SIRT5: variants seen among roughly 807,000 people sequenced by gnomAD.
The protein encoded by SIRT5 is sirtuin 5.
Under a neutral mutation model 40.0 loss-of-function variants are expected in SIRT5, and 26 were observed. The observed-to-expected ratio is 0.65, with a 90% confidence interval of 0.48 to 0.90. SIRT5 has a LOEUF of 0.90. SIRT5 is among the 40% of genes least tolerant of loss of function. The probability of loss-of-function intolerance (pLI) is 0.00; values close to 1 mark genes in which losing one functional copy is unlikely to be tolerated. For synonymous variants in SIRT5, 146 were observed against 149.1 expected (o/e 0.98, Z 0.15); for missense variants, 401 against 402.4 (o/e 1.00, Z 0.03).
intron 9 of SIRT5, among the ~76,000 whole-genome samples, chr6:13,602,487 T>A (rs980463643): frequency 5.8e-5 from 8 of 136,928 alleles, no homozygotes; most frequent in Non-Finnish European, 1.6e-5. Context: ...GCAACAAGAG[T>A]AAAACTCCGT....
At chr6:13,605,633 A>G (rs1186189341) in intron 9 of SIRT5, 2 of 985,364 alleles carry the variant, frequency 2.0e-6, no homozygotes, top group Middle Eastern at 5.2e-4. Context: ...GGTGTTAATT[A>G]GTTCCAGTTT....
At chr6:13,591,267 A>G (rs139108798) in intron 4 of SIRT5, among the ~76,000 whole-genome samples, 2 of 152,304 alleles carry the variant, frequency 1.3e-5, no homozygotes, top group East Asian at 3.9e-4. Context: ...TTTGCATTTC[A>G]TGCTTTCCCT....
chr6:13,608,959 T>C (rs1763481925), intron 9 of SIRT5, among the ~76,000 whole-genome samples: 1 of 152,090 alleles, frequency 6.6e-6, no homozygotes, highest in Non-Finnish European at 1.5e-5. Flanking sequence ...GTAGTTGGGA[T>C]CACAGGTGCC....
chr6:13,588,511 A>G (rs767887296), intron 4 of SIRT5, 47 bp downstream of exon 4: 10 of 1,588,174 alleles, frequency 6.3e-6, no homozygotes, highest in South Asian at 2.3e-5. Context: ...GAATGAAACC[A>G]TAACAGAGTT....
Position 13,591,769 on chromosome 6 carries a change from G to T in SIRT5, c.350G>T (p.Gly117Val). 2 of 1,613,854 alleles carry T rather than the reference G, an allele frequency of 1.2e-6. No individual in the cohort carries two copies. Among genetic ancestry groups the T allele is most frequent in the Non-Finnish European group, 1.7e-6 (2 of 1,179,846 alleles). The change falls in exon 5 of 10, where the codon GGG becomes GTG. Residue 117 changes from glycine to valine, a missense_variant. Physicochemically the swap from Gly to Val is moderately radical, Grantham distance 109. Transcript: ENST00000606117. ...EVMGSKEPNAGHRAIAECETR... is the reference protein window; with the variant it reads ...EVMGSKEPNAVHRAIAECETR... ...ATGGGGAGCAAGGAGCCCAACGCCG[G>T]GCACCGCGCCATAGCCGAGTGTGAG...
In SIRT5 at chr6:13,584,148, C is replaced by T; in HGVS notation, c.38C>T (p.Ser13Phe). 6.2e-7 allele frequency: 1 copy of T among 1,614,116 alleles called. No individual in the cohort carries two copies. The highest frequency in any genetic ancestry group is 8.5e-7 in the Non-Finnish European group (1 of 1,180,030). ...CAGATTGTCCCAAGTCGATTGATTTCCCAGCTATATTGTGGCCTGAAGCCT... is the reference window on the plus strand; with the variant it reads ...CAGATTGTCCCAAGTCGATTGATTTTCCAGCTATATTGTGGCCTGAAGCCT... ...PLQIVPSRLI[S>F]QLYCGLKPPA... Residue 13 changes from serine (S) to phenylalanine (F), a missense_variant, in exon 3 of 10, where the codon TCC becomes TTC. By Grantham distance (155) the Ser-to-Phe change is radical (BLOSUM62 -2). Transcript: ENST00000606117.
In SIRT5 at chr6:13,586,174, A is replaced by G. The variant is rs1023244753; in HGVS notation, c.115+1949A>G. Among the ~76,000 whole-genome samples the G allele has an allele frequency of 4.4e-4, 67 of 152,176 alleles. 1 individual carries two copies. Among genetic ancestry groups the G allele is most frequent in the Admixed American group, 4.4e-3 (67 of 15,270 alleles). The stretch of plus-strand genomic sequence containing the variant: ...TGTCAGATGGGTAGATTTCAAAAAT[A>G]TTCTCTCATTCTGTAGGTTGCCTGT... On this transcript the variant is annotated intron_variant, in intron 3 of 9. Transcript: ENST00000606117.
intron 8 of SIRT5, among the ~76,000 whole-genome samples, chr6:13,600,527 G>T (rs1337540372): frequency 1.3e-5 from 2 of 152,130 alleles, no homozygotes; most frequent in Non-Finnish European, 2.9e-5. Flanking sequence ...TGGATCATTT[G>T]TTTAACTTTA....
At chr6:13,575,201 GC>G (rs904678170) in intron 1 of SIRT5, among the ~76,000 whole-genome samples, 1 of 152,208 alleles carries the variant, frequency 6.6e-6, no homozygotes, top group African/African-American at 2.4e-5. Context: ...GGGCGGGGAG[GC>G]CGCATGCAGT....
At chr6:13,604,459 A>G in intron 9 of SIRT5, 1 of 1,453,952 alleles carries the variant, frequency 6.9e-7, no homozygotes, top group Non-Finnish European at 9.6e-7. Context: ...GGTTCTTCTA[A>G]TGTGGTTTCT....
At position 13,611,214 on chromosome 6, in the gene SIRT5, TATATATATATATATATATATATACACAC is replaced by T. The variant is rs1444126890; in HGVS notation, c.858-574_858-547del. 4.4e-3 allele frequency among the ~76,000 whole-genome samples: 544 copies of T among 122,346 alleles called. 6 individuals carry two copies. The highest frequency in any genetic ancestry group is 0.016 in the African/African-American group (519 of 31,910). The allele number at this position is 122,346 out of a possible 152,430, so 80.3% of individuals were successfully genotyped here. A position where few individuals can be genotyped will look rare whatever the true frequency, so the allele number is the denominator to read the frequency against. ...TGTTTTATGTGTGTGTGTGTATATA[TATATATATATATATATATATATACACAC>T]ACACATACACACACACATATATATA... On this transcript the variant is annotated intron_variant, in intron 9 of 9. Transcript: ENST00000606117.
intron 3 of SIRT5, among the ~76,000 whole-genome samples, chr6:13,587,762 A>G (rs543728086): frequency 6.6e-6 from 1 of 152,350 alleles, no homozygotes; most frequent in South Asian, 2.1e-4. Flanking sequence ...TGACTTGTCA[A>G]GAAGAAGGCC....
chr6:13,603,805 G>A (rs1417217714), intron 9 of SIRT5, among the ~76,000 whole-genome samples: 2 of 152,160 alleles, frequency 1.3e-5, no homozygotes, highest in Admixed American at 6.5e-5. Context: ...AACGTCCATC[G>A]ACTGAAGGAT....
chr6:13,588,104 C>T lies in SIRT5; in HGVS notation c.116-227C>T, dbSNP rs538634951. ...TCACACATTTGTGTGGGAGGCAGAGCTGCGGTGCAGAGCCGGCTGTGTGTG... is the reference window on the plus strand; with the variant it reads ...TCACACATTTGTGTGGGAGGCAGAGTTGCGGTGCAGAGCCGGCTGTGTGTG... On this transcript the variant is annotated intron_variant, in intron 3 of 9. Coordinates refer to ENST00000606117, the MANE Select transcript of SIRT5 (RefSeq NM_012241.5). 2.6e-5 allele frequency among the ~76,000 whole-genome samples: 4 copies of T among 152,324 alleles called. No individual in the cohort carries two copies. In the East Asian group the frequency reaches 7.7e-4, roughly 29 times the overall value.
At chr6:13,597,652 T>C (rs535838101) in intron 7 of SIRT5, among the ~76,000 whole-genome samples, 1 of 152,166 alleles carries the variant, frequency 6.6e-6, no homozygotes, top group East Asian at 1.9e-4. Flanking sequence ...TTGAAGTGAT[T>C]CTTCTGCCTC....
chr6:13,602,493 T>A, intron 9 of SIRT5, among the ~76,000 whole-genome samples: 1 of 143,824 alleles, frequency 7.0e-6, no homozygotes. Context: ...AGAGTAAAAC[T>A]CCGTCTCAAA....
intron 5 of SIRT5, 48 bp downstream of exon 5, chr6:13,591,942 T>C (rs749841263): frequency 6.5e-7 from 1 of 1,543,276 alleles, no homozygotes; most frequent in Non-Finnish European, 8.9e-7. Flanking sequence ...TTAAAACACC[T>C]GTCCTGCTGT....
At chr6:13,574,289 CG>C (rs1023730204), upstream of SIRT5, among the ~76,000 whole-genome samples, 2 of 152,094 alleles carry the variant, frequency 1.3e-5, no homozygotes, top group African/African-American at 4.8e-5. Context: ...CTCCAGCCGG[CG>C]CGCCCGCCTC....
At chr6:13,588,497 T>C (rs775654214) in intron 4 of SIRT5, 33 bp downstream of exon 4, 1 of 1,601,996 alleles carries the variant, frequency 6.2e-7, no homozygotes, top group Non-Finnish European at 8.5e-7. Flanking sequence ...TAAAAGCCTC[T>C]GTCGAATGAA....
Sources: gnomAD v4.1 joint callset for allele counts (sites outside exome capture counted in the v4.1 genomes callset) on GRCh38, gnomAD v4.1.1 for gene constraint, MANE v1.5 for transcripts, NCBI Gene and HGNC (gene_info 2026-07-23, HGNC 2026-07-21) for gene names.